Variants in VPS13C observed in about 807,000 individuals in gnomAD.
VPS13C encodes the protein vacuolar protein sorting 13 homolog C, also known as intermembrane lipid transfer protein VPS13C.
VPS13C carries 358 observed loss-of-function variants against 456.8 expected under a neutral mutation model. That is an observed-to-expected ratio of 0.78 (90% CI 0.72 to 0.86). The LOEUF (loss-of-function observed/expected upper bound fraction) is 0.86. VPS13C is among the 40% of genes least tolerant of loss of function. The pLI, the probability that VPS13C is intolerant of heterozygous loss-of-function variation, is 0.00. For missense variants in VPS13C, 4,818 were observed against 4,385.4 expected (o/e 1.10, Z -2.79); for synonymous variants, 1,578 against 1,486.7 (o/e 1.06, Z -1.41).
At chr15:61,900,326 C>T (rs1340330442) in intron 66 of VPS13C, among the ~76,000 whole-genome samples, 1 of 152,116 alleles carries the variant, frequency 6.6e-6, no homozygotes, top group African/African-American at 2.4e-5. Context: ...TCAAATTGTC[C>T]CTGTTTGCAG....
chr15:62,017,741 T>C (rs201887331), intron 9 of VPS13C, among the ~76,000 whole-genome samples: 1 of 152,222 alleles, frequency 6.6e-6, no homozygotes, highest in Non-Finnish European at 1.5e-5. Context: ...CTTTGTTCTT[T>C]TGGCTTAGGA....
At chr15:61,873,442 T>C (rs1000899527) in intron 77 of VPS13C, 33 bp from the exon 78 acceptor site, 4 of 1,603,520 alleles carry the variant, frequency 2.5e-6, no homozygotes, top group East Asian at 2.2e-5. Flanking sequence ...TTCTAGAATA[T>C]ACAAGGAACT....
At chr15:61,924,512 G>A (rs551891760) in intron 53 of VPS13C, among the ~76,000 whole-genome samples, 43 of 152,252 alleles carry the variant, frequency 2.8e-4, no homozygotes, top group African/African-American at 9.1e-4. Context: ...GCTCAAAAAC[G>A]TTTTTTGAAT....
intron 80 of VPS13C, among the ~76,000 whole-genome samples, 184 bp downstream of exon 80, chr15:61,869,316 C>A (rs1386507498): frequency 1.3e-5 from 2 of 151,990 alleles, no homozygotes; most frequent in Admixed American, 6.6e-5. Flanking sequence ...TGGGGTTTCA[C>A]CATGTTCGCA....
At chr15:62,000,364 C>A (rs75238374) in intron 16 of VPS13C, among the ~76,000 whole-genome samples, 200 bp downstream of exon 16, 2 of 150,216 alleles carry the variant, frequency 1.3e-5, no homozygotes, top group Non-Finnish European at 3.0e-5. Flanking sequence ...GACTCCATCT[C>A]AAAAAAAAAT....
In VPS13C at chr15:61,974,420, A is replaced by G. The variant is rs768792581; in HGVS notation, c.2409-3T>C. 6.2e-7 allele frequency: 1 copy of G among 1,611,062 alleles called. No homozygotes were observed. The highest frequency in any genetic ancestry group is 1.7e-5 in the Admixed American group (1 of 59,900). ...GAAGTCCTCCTGACACTTTAAATCT[A>G]AAAATACAATTCAGTGGTTTTAAGT... On this transcript the variant is annotated splice_region_variant and splice_polypyrimidine_tract_variant and intron_variant, in intron 24 of 84. Coordinates refer to ENST00000644861, the MANE Select transcript of VPS13C (RefSeq NM_020821.3).
intron 54 of VPS13C, 67 bp from the exon 55 acceptor site, chr15:61,922,100 AG>A: frequency 2.0e-6 from 3 of 1,503,790 alleles, no homozygotes; most frequent in East Asian, 4.5e-5. Context: ...TGTAACCAAT[AG>A]GGAAATTATT....
chr15:61,856,539 A>C (rs1893916338), intron 82 of VPS13C, 130 bp from the exon 83 acceptor site: 1 of 1,071,902 alleles, frequency 9.3e-7, no homozygotes, highest in African/African-American at 1.7e-5. Context: ...ACTAAAAAAA[A>C]AACCTGCTTC....
At chr15:62,023,630 G>A in intron 7 of VPS13C, 110 bp from the exon 8 acceptor site, 3 of 1,107,098 alleles carry the variant, frequency 2.7e-6, no homozygotes, top group Non-Finnish European at 3.9e-6. Flanking sequence ...ACAGCCAATA[G>A]TGTCTTTATT....
intron 3 of VPS13C, among the ~76,000 whole-genome samples, chr15:62,038,741 A>T (rs1490481679): frequency 6.6e-6 from 1 of 152,178 alleles, no homozygotes; most frequent in Non-Finnish European, 1.5e-5. Flanking sequence ...TCTACAAGGA[A>T]CTCAAACAAC....
At position 61,950,346 on chromosome 15, in the gene VPS13C, T is replaced by C. The variant is rs541740856; in HGVS notation, c.4596+12A>G. 20 of 1,603,292 alleles carry C rather than the reference T, an allele frequency of 1.2e-5. No homozygotes were observed. The East Asian group carries it at 4.0e-4, about 32-fold the overall frequency. ...CACAACCCAACCTTATAGCAAATTA[T>C]AAAAGTTTTACCTTCAGTCTCTGTT... On this transcript the variant is annotated intron_variant, in intron 41 of 84. Transcript: ENST00000644861.
Position 61,871,159 on chromosome 15 carries a change from T to C in VPS13C, c.10624+830A>G, listed in dbSNP as rs112838506. Among the ~76,000 whole-genome samples, 51 of 152,324 alleles carry C rather than the reference T, an allele frequency of 3.3e-4. 2 individuals carry two copies. Among genetic ancestry groups the C allele is most frequent in the African/African-American group, 1.2e-3 (49 of 41,584 alleles). ...TGAAGTCCAATTTATGTATCTTTTC[T>C]AGCAAAGTTTTGCCTAATCCAAAGT... On this transcript the variant is annotated intron_variant, in intron 79 of 84. Transcript: ENST00000644861.
chr15:61,975,386 T>C lies in VPS13C; in HGVS notation c.2409-969A>G, dbSNP rs1355594411. Among the ~76,000 whole-genome samples the C allele has an allele frequency of 2.6e-5, 4 of 151,962 alleles. No individual in the cohort carries two copies. In the East Asian group the frequency reaches 7.7e-4, roughly 29 times the overall value. On this transcript the variant is annotated intron_variant, in intron 24 of 84. Coordinates refer to ENST00000644861, the MANE Select transcript of VPS13C (RefSeq NM_020821.3). The stretch of plus-strand genomic sequence containing the variant: ...ATTGATAAACCTCTGATCACAGTGA[T>C]CAGGAGAAAAATAGAAAAGGCACAA...
At position 62,037,208 on chromosome 15, in the gene VPS13C, TA is replaced by T. The variant is rs1384004219; in HGVS notation, c.188-2157del. On this transcript the variant is annotated intron_variant, in intron 3 of 84. Coordinates refer to ENST00000644861, the MANE Select transcript of VPS13C (RefSeq NM_020821.3). Reference sequence around the variant, plus strand: ...ATATAAATATAATAAATATAATATATAAATATATTATATAATATATTATATA... The same window carrying T: ...ATATAAATATAATAAATATAATATATAATATATTATATAATATATTATATA... Among the ~76,000 whole-genome samples, 12 of 105,948 alleles carry T rather than the reference TA, an allele frequency of 1.1e-4. No individual in the cohort carries two copies. The Admixed American group carries it at 1.2e-3, about 10-fold the overall frequency. The allele number at this position is 105,948 out of a possible 152,430, so 69.5% of individuals were successfully genotyped here. A position where few individuals can be genotyped will look rare whatever the true frequency, so the allele number is the denominator to read the frequency against.
chr15:61,975,062 C>T (rs937353674), intron 24 of VPS13C, among the ~76,000 whole-genome samples: 12 of 152,066 alleles, frequency 7.9e-5, no homozygotes, highest in Non-Finnish European at 1.3e-4. Context: ...GGCTTCCTGA[C>T]TAAGCTGTGA....
rs537592355 is a variant in VPS13C, at chr15:61,990,862, G to A, written c.1578+138C>T. 6 of 625,326 alleles carry A rather than the reference G, an allele frequency of 9.6e-6. No individual in the cohort carries two copies. The East Asian group carries it at 1.6e-4, about 17-fold the overall frequency. The allele number at this position is 625,326 out of a possible 1,614,324, so 38.7% of individuals were successfully genotyped here. On this transcript the variant is annotated intron_variant, in intron 18 of 84. Coordinates refer to ENST00000644861, the MANE Select transcript of VPS13C (RefSeq NM_020821.3). ...GAGAGAATTTTAATTGGTAAAACCTGACTGAAACATTCAACCATTAAGTAG... is the reference window on the plus strand; with the variant it reads ...GAGAGAATTTTAATTGGTAAAACCTAACTGAAACATTCAACCATTAAGTAG...
intron 9 of VPS13C, among the ~76,000 whole-genome samples, chr15:62,015,960 CAA>C (rs67786303): frequency 0.31 from 22,458 of 72,252 alleles, 3,004 homozygotes; most frequent in Admixed American, 0.39. Flanking sequence ...AAAAGAAGTC[CAA>C]AAAAAAAAAA....
At chr15:61,929,016 G>C (rs2043964056) in intron 51 of VPS13C, among the ~76,000 whole-genome samples, 1 of 152,146 alleles carries the variant, frequency 6.6e-6, no homozygotes, top group African/African-American at 2.4e-5. Flanking sequence ...GAAGTACAGA[G>C]CTGAAAGTGG....
intron 3 of VPS13C, among the ~76,000 whole-genome samples, chr15:62,040,569 A>AG (rs772008453): frequency 2.0e-5 from 3 of 152,034 alleles, no homozygotes; most frequent in African/African-American, 7.2e-5. Flanking sequence ...GGATTGAAGG[A>AG]GGGGGGTGGA....
Sources: gnomAD v4.1 joint callset for allele counts (sites outside exome capture counted in the v4.1 genomes callset) on GRCh38, gnomAD v4.1.1 for gene constraint, MANE v1.5 for transcripts, NCBI Gene and HGNC (gene_info 2026-07-23, HGNC 2026-07-21) for gene names.